XPR1: variants seen among roughly 807,000 people sequenced by gnomAD.
The protein encoded by XPR1 is solute carrier family 53 member 1.
Under a neutral mutation model 87.5 loss-of-function variants are expected in XPR1, and 28 were observed. That is an observed-to-expected ratio of 0.32 (90% CI 0.24 to 0.44). The LOEUF (loss-of-function observed/expected upper bound fraction) is 0.44. Ranked by LOEUF, XPR1 falls within the 20% of genes least tolerant of loss-of-function variation. The probability of loss-of-function intolerance (pLI) is 1.00; values close to 1 mark genes in which losing one functional copy is unlikely to be tolerated. For missense variants in XPR1, 559 were observed against 862.3 expected, an observed-to-expected ratio of 0.65 and a Z score of 4.41; for synonymous variants, 300 against 306.1, an observed-to-expected ratio of 0.98 and a Z score of 0.21.
intron 2 of XPR1, among the ~76,000 whole-genome samples, chr1:180,730,634 T>G (rs1658523545): frequency 6.6e-6 from 1 of 152,172 alleles, no homozygotes; most frequent in African/African-American, 2.4e-5. Context: ...CCTTCTCCTT[T>G]TGGCAAATTT....
At chr1:180,715,249 C>G (rs924119428) in intron 2 of XPR1, among the ~76,000 whole-genome samples, 2 of 152,184 alleles carry the variant, frequency 1.3e-5, no homozygotes, top group Non-Finnish European at 2.9e-5. Flanking sequence ...CACTTCTTTA[C>G]TGAATAGGCT....
chr1:180,671,877 C>T (rs761198205), intron 1 of XPR1, among the ~76,000 whole-genome samples: 6 of 152,002 alleles, frequency 3.9e-5, no homozygotes, highest in South Asian at 2.1e-4. Flanking sequence ...TGTGAGCCAC[C>T]GCGTCTAGCC....
At chr1:180,808,058 A>G (rs941150555) in intron 6 of XPR1, among the ~76,000 whole-genome samples, 2 of 152,166 alleles carry the variant, frequency 1.3e-5, no homozygotes, top group Admixed American at 6.5e-5. Context: ...ACTTTGGAAC[A>G]TAAATTGAAG....
intron 12 of XPR1, among the ~76,000 whole-genome samples, chr1:180,865,648 C>T (rs1652365571): frequency 6.6e-6 from 1 of 152,118 alleles, no homozygotes; most frequent in African/African-American, 2.4e-5. Context: ...GATCCGCCTG[C>T]CTCGGCCTCC....
chr1:180,632,078 CGGA>C lies in XPR1; in HGVS notation c.-116_-114del, dbSNP rs377070854. Reference sequence around the variant, plus strand: ...TGCTCTGAAGAGACCTCGGCGGCGGCGGAGGAGGAGAGAAGCGCAGCGCCGCGC... The same window carrying C: ...TGCTCTGAAGAGACCTCGGCGGCGGCGGAGGAGAGAAGCGCAGCGCCGCGC... On this transcript the variant is annotated 5_prime_UTR_variant, in exon 1 of 15. Coordinates refer to ENST00000367590, the MANE Select transcript of XPR1 (RefSeq NM_004736.4). 5.0e-5 allele frequency: 58 copies of C among 1,171,126 alleles called. No homozygotes were observed. The East Asian group carries it at 5.6e-4, about 11-fold the overall frequency. 72.5% of individuals were successfully genotyped at this position (1,171,126 alleles called of 1,614,324 possible). A position where few individuals can be genotyped will look rare whatever the true frequency, so the allele number is the denominator to read the frequency against.
intron 2 of XPR1, among the ~76,000 whole-genome samples, chr1:180,685,250 A>G (rs1046418359): frequency 7.2e-5 from 11 of 151,736 alleles, no homozygotes; most frequent in East Asian, 3.9e-4. Context: ...TAATCATGTG[A>G]TTTTTGTCTT....
At chr1:180,745,438 T>C (rs1011207987) in intron 2 of XPR1, among the ~76,000 whole-genome samples, 1 of 152,132 alleles carries the variant, frequency 6.6e-6, no homozygotes, top group Non-Finnish European at 1.5e-5. Context: ...TCAATTTCAC[T>C]CTCTGGGGAG....
At chr1:180,838,495 A>C (rs1428639022) in intron 11 of XPR1, among the ~76,000 whole-genome samples, 1 of 152,086 alleles carries the variant, frequency 6.6e-6, no homozygotes, top group Non-Finnish European at 1.5e-5. Context: ...TCCAAATCTA[A>C]AACAAATCTA....
At chr1:180,878,757 C>T (rs1652745923) in intron 13 of XPR1, among the ~76,000 whole-genome samples, 2 of 152,162 alleles carry the variant, frequency 1.3e-5, no homozygotes, top group South Asian at 4.1e-4. Context: ...CTTTACTTCC[C>T]AGCAAAGCAC....
At chr1:180,689,331 A>G (rs1656901143) in intron 2 of XPR1, among the ~76,000 whole-genome samples, 1 of 152,204 alleles carries the variant, frequency 6.6e-6, no homozygotes, top group Non-Finnish European at 1.5e-5. Context: ...ATATATTTGA[A>G]TATAATTTTA....
At chr1:180,759,790 A>G (rs1647924567) in intron 2 of XPR1, among the ~76,000 whole-genome samples, 1 of 152,214 alleles carries the variant, frequency 6.6e-6, no homozygotes, top group Non-Finnish European at 1.5e-5. Flanking sequence ...CCTGATACCA[A>G]AGCCTGGCAG....
chr1:180,874,822 A>G (rs1652610172), intron 13 of XPR1, among the ~76,000 whole-genome samples: 2 of 152,240 alleles, frequency 1.3e-5, no homozygotes, highest in South Asian at 4.1e-4. Context: ...CCAAATCTGT[A>G]GACTTTGAAA....
intron 12 of XPR1, among the ~76,000 whole-genome samples, chr1:180,864,632 T>A (rs1227755496): frequency 6.6e-6 from 1 of 152,056 alleles, no homozygotes; most frequent in Non-Finnish European, 1.5e-5. Flanking sequence ...AAAACATAGA[T>A]AATTCTTTAG....
intron 2 of XPR1, among the ~76,000 whole-genome samples, chr1:180,745,243 A>G (rs1659053451): frequency 6.6e-6 from 1 of 152,152 alleles, no homozygotes; most frequent in Non-Finnish European, 1.5e-5. Flanking sequence ...TGGTCAGATA[A>G]CTAGGGCTTT....
At chr1:180,721,382 G>A (rs1046914591) in intron 2 of XPR1, among the ~76,000 whole-genome samples, 4 of 152,146 alleles carry the variant, frequency 2.6e-5, no homozygotes, top group African/African-American at 7.2e-5. Context: ...TGTTAGATTT[G>A]ACAGACTGTG....
At chr1:180,864,558 A>G (rs575263227) in intron 12 of XPR1, among the ~76,000 whole-genome samples, 8 of 152,246 alleles carry the variant, frequency 5.3e-5, no homozygotes, top group African/African-American at 1.9e-4. Context: ...GATTGCATCA[A>G]GAAGACTTCT....
At chr1:180,798,581 T>G (rs1036550035) in intron 3 of XPR1, among the ~76,000 whole-genome samples, 4 of 152,144 alleles carry the variant, frequency 2.6e-5, no homozygotes, top group African/African-American at 9.7e-5. Flanking sequence ...GATCTGAATC[T>G]CAGTAGTTCT....
At chr1:180,710,411 G>T (rs972605907) in intron 2 of XPR1, among the ~76,000 whole-genome samples, 4 of 152,062 alleles carry the variant, frequency 2.6e-5, no homozygotes, top group African/African-American at 7.2e-5. Flanking sequence ...CTCTTAACGA[G>T]CATGCTGCCT....
intron 3 of XPR1, among the ~76,000 whole-genome samples, chr1:180,798,729 T>C (rs1395130591): frequency 6.6e-6 from 1 of 152,154 alleles, no homozygotes; most frequent in Non-Finnish European, 1.5e-5. Flanking sequence ...ATCTCATGCC[T>C]CAGCCTTCTG....
Sources: allele counts gnomAD v4.1 joint callset (sites outside exome capture counted in the v4.1 genomes callset), GRCh38; gene constraint gnomAD v4.1.1; transcripts MANE v1.5; gene names NCBI Gene and HGNC (gene_info 2026-07-23, HGNC 2026-07-21).